Variants in TGM6 observed in about 807,000 individuals in gnomAD.
TGM6 encodes protein-glutamine gamma-glutamyltransferase 6.
TGM6 carries 74 observed loss-of-function variants against 77.5 expected under a neutral mutation model. That is an observed-to-expected ratio of 0.96 (90% CI 0.79 to 1.16). TGM6 has a LOEUF of 1.16. TGM6 is among the 50% of genes most tolerant of loss of function. The pLI, the probability that TGM6 is intolerant of heterozygous loss-of-function variation, is 0.00. For missense variants in TGM6, 968 were observed against 940.2 expected, an observed-to-expected ratio of 1.03 and a Z score of -0.39; for synonymous variants, 383 against 378.9, an observed-to-expected ratio of 1.01 and a Z score of -0.12.
chr20:2,392,955 A>G (rs528657158), intron 1 of TGM6, among the ~76,000 whole-genome samples: 1 of 152,276 alleles, frequency 6.6e-6, no homozygotes, highest in East Asian at 1.9e-4. Flanking sequence ...ATCTGAATCC[A>G]TGTCAGCTGC....
chr20:2,413,453 C>G (rs538713876), intron 9 of TGM6, among the ~76,000 whole-genome samples: 2 of 151,992 alleles, frequency 1.3e-5, no homozygotes, highest in Admixed American at 1.3e-4. Flanking sequence ...TATACAGTAA[C>G]CCAGACAGTG....
intron 1 of TGM6, among the ~76,000 whole-genome samples, chr20:2,383,363 T>C (rs1383242393): frequency 1.3e-5 from 2 of 152,028 alleles, no homozygotes; most frequent in Non-Finnish European, 2.9e-5. Flanking sequence ...TGAGCTAGGC[T>C]TGGGGGTGGG....
At position 2,400,410 on chromosome 20, in the gene TGM6, C is replaced by G; in HGVS notation, c.955C>G (p.Arg319Gly). The G allele has an allele frequency of 6.2e-7, 1 of 1,614,152 alleles. No homozygotes were observed. Among genetic ancestry groups the G allele is most frequent in the Non-Finnish European group, 8.5e-7 (1 of 1,180,042 alleles). The change falls in exon 7 of 13, where the codon CGG (arginine) becomes GGG (glycine). Residue 319 changes from arginine to glycine, a missense_variant. Transcript: ENST00000202625. ...GGACAAATACGTGGACTCCTTCGGGCGGACCCTGGAGGACCTGACAGAAGA... is the reference window on the plus strand; with the variant it reads ...GGACAAATACGTGGACTCCTTCGGGGGGACCCTGGAGGACCTGACAGAAGA... ...SVDKYVDSFG[R>G]TLEDLTEDSM...
In TGM6 at chr20:2,396,180, CAA is replaced by C. The variant is rs10548828; in HGVS notation, c.425-312_425-311del. Among the ~76,000 whole-genome samples the C allele has an allele frequency of 0.025, 3,150 of 126,748 alleles. 51 individuals carry two copies. Among genetic ancestry groups the C allele is most frequent in the Admixed American group, 0.05 (645 of 12,782 alleles). 83.2% of individuals were successfully genotyped at this position (126,748 alleles called of 152,430 possible). A position where few individuals can be genotyped will look rare whatever the true frequency, so the allele number is the denominator to read the frequency against. Reference sequence around the variant, plus strand: ...GGGCAACAAGAGCAAAACTCTATCTCAAAAAAAAAAAAAAAGAAAAGAAAATA... The same window carrying C: ...GGGCAACAAGAGCAAAACTCTATCTCAAAAAAAAAAAAAGAAAAGAAAATA... On this transcript the variant is annotated intron_variant, in intron 3 of 12. Transcript: ENST00000202625.
At chr20:2,390,256 A>G (rs780020359) in intron 1 of TGM6, among the ~76,000 whole-genome samples, 3 of 152,238 alleles carry the variant, frequency 2.0e-5, no homozygotes, top group Non-Finnish European at 4.4e-5. Flanking sequence ...TTCAGTATTC[A>G]TCATTCATAA....
chr20:2,405,343 C>T (rs907690173), intron 9 of TGM6, among the ~76,000 whole-genome samples: 1 of 152,208 alleles, frequency 6.6e-6, no homozygotes, highest in South Asian at 2.1e-4. Flanking sequence ...GGCATTATGG[C>T]CATTTTTAAT....
At chr20:2,399,518 G>A (rs6048675) in intron 5 of TGM6, 43 bp from the exon 6 acceptor site, 1 of 1,611,972 alleles carries the variant, frequency 6.2e-7, no homozygotes, top group Non-Finnish European at 8.5e-7. Flanking sequence ...TCTTGAGGTA[G>A]GAAGCCCTGC....
intron 9 of TGM6, among the ~76,000 whole-genome samples, chr20:2,408,011 G>T (rs2084763279): frequency 6.6e-6 from 1 of 152,178 alleles, no homozygotes; most frequent in South Asian, 2.1e-4. Context: ...AGGGCAGAAG[G>T]TATCAGGAAA....
chr20:2,393,973 C>T (rs186370728), intron 1 of TGM6, among the ~76,000 whole-genome samples: 2 of 152,240 alleles, frequency 1.3e-5, no homozygotes, highest in Non-Finnish European at 2.9e-5. Context: ...TTAATTCAAC[C>T]TTTGCAGTGA....
intron 1 of TGM6, among the ~76,000 whole-genome samples, chr20:2,388,637 A>AG (rs34074229): frequency 6.6e-6 from 1 of 151,288 alleles, no homozygotes; most frequent in Non-Finnish European, 1.5e-5. Context: ...ACAAAAAAAA[A>AG]CAGGCTGTGT....
chr20:2,431,904 A>G (rs925274620), intron 12 of TGM6, among the ~76,000 whole-genome samples: 107 of 152,186 alleles, frequency 7.0e-4, no homozygotes, highest in African/African-American at 2.5e-3. Context: ...TTGGAATAAG[A>G]AAGGCATCCT....
At chr20:2,407,763 G>A (rs2084761658) in intron 9 of TGM6, among the ~76,000 whole-genome samples, 1 of 152,226 alleles carries the variant, frequency 6.6e-6, no homozygotes, top group Admixed American at 6.5e-5. Context: ...ATGCTAGACT[G>A]CACATCTTCG....
In TGM6 at chr20:2,432,592, C is replaced by T. The variant is rs2084931000; in HGVS notation, c.2070C>T (p.His690=). 5 of 1,614,164 alleles carry T rather than the reference C, an allele frequency of 3.1e-6. No individual in the cohort carries two copies. Among genetic ancestry groups the T allele is most frequent in the East Asian group, 4.5e-5 (2 of 44,858 alleles). ...RQLQVDLVSP[H]FPDIKGFVIV... is the part of the protein sequence containing the mutation. ...TGCAGGTGGACCTTGTAAGCCCTCA[C>T]TTCCCGGACATCAAGGGCTTTGTGA... is the stretch of plus-strand genomic sequence containing the variant. Residue 690 remains histidine, a synonymous_variant, in exon 13 of 13, where the codon CAC becomes CAT. Transcript: ENST00000202625.
intron 10 of TGM6, among the ~76,000 whole-genome samples, chr20:2,419,840 A>G (rs1361337584): frequency 6.6e-6 from 1 of 152,254 alleles, no homozygotes; most frequent in Non-Finnish European, 1.5e-5. Flanking sequence ...AAATAACACT[A>G]AACTTTTGTT....
intron 1 of TGM6, among the ~76,000 whole-genome samples, chr20:2,393,161 C>T (rs1962100248): frequency 4.6e-5 from 7 of 152,254 alleles, no homozygotes; most frequent in African/African-American, 2.4e-5. Flanking sequence ...ATACTCTGCA[C>T]TTTCTTGGCC....
chr20:2,414,345 A>G (rs1001847226), intron 9 of TGM6, among the ~76,000 whole-genome samples: 5 of 152,368 alleles, frequency 3.3e-5, no homozygotes, highest in African/African-American at 7.2e-5. Context: ...AGGAAAATGC[A>G]TGTCAAAACC....
intron 1 of TGM6, among the ~76,000 whole-genome samples, chr20:2,382,352 C>T (rs2084561378): frequency 6.6e-6 from 1 of 152,156 alleles, no homozygotes; most frequent in Admixed American, 6.5e-5. Context: ...GGCCCTGGTG[C>T]AGAGGGGATT....
At position 2,395,117 on chromosome 20, in the gene TGM6, G is replaced by C. The variant is rs2084654355; in HGVS notation, c.182-77G>C. On this transcript the variant is annotated intron_variant, in intron 2 of 12. Transcript: ENST00000202625. ...CAGGGGGTGAAGGTGGGGCTTCCAG[G>C]CCTGTAGCTTTTTTCACTTCTCTAA... 18 of 1,576,660 alleles carry C rather than the reference G, an allele frequency of 1.1e-5. No individual in the cohort carries two copies. The South Asian group carries it at 2.0e-4, about 17-fold the overall frequency.
chr20:2,420,424 A>C (rs998128242), intron 10 of TGM6, among the ~76,000 whole-genome samples: 1 of 152,178 alleles, frequency 6.6e-6, no homozygotes, highest in Non-Finnish European at 1.5e-5. Flanking sequence ...TGTTATTAAC[A>C]TCTTGCTTTA....
Sources: allele counts gnomAD v4.1 joint callset (sites outside exome capture counted in the v4.1 genomes callset), GRCh38; gene constraint gnomAD v4.1.1; transcripts MANE v1.5; gene names NCBI Gene and HGNC (gene_info 2026-07-23, HGNC 2026-07-21).